Variants in PALLD observed in about 807,000 individuals in gnomAD.
PALLD encodes palladin, cytoskeletal associated protein.
In PALLD, 61 loss-of-function variants were observed where a neutral mutation model predicts 123.5. That is an observed-to-expected ratio of 0.49 (90% confidence interval 0.40 to 0.61). The LOEUF is 0.61. Ranked by LOEUF, PALLD falls within the 20% of genes least tolerant of loss-of-function variation. PALLD has a pLI of 0.00. For synonymous variants in PALLD, 465 were observed against 496.4 expected (o/e 0.94, Z 0.84); for missense variants, 1,273 against 1,377.0 (o/e 0.92, Z 1.20).
chr4:168,860,707 G>A (rs1560809663), intron 10 of PALLD, among the ~76,000 whole-genome samples: 2 of 152,090 alleles, frequency 1.3e-5, no homozygotes, highest in African/African-American at 2.4e-5. Flanking sequence ...CTGTAATCCC[G>A]GTTATTTGGG....
chr4:168,567,614 C>G (rs925314262), intron 2 of PALLD, among the ~76,000 whole-genome samples: 8 of 148,066 alleles, frequency 5.4e-5, no homozygotes, highest in African/African-American at 2.0e-4. Flanking sequence ...ATATAATATA[C>G]ACACATGTAC....
rs760636404 is a variant in PALLD at position 168,793,152 on chromosome 4, CAT to C, written c.1964+81237_1964+81238del. ...GCATATATATACATATATATGTGTG[CAT>C]ATATATACATATATATGTGTGCATA... On this transcript the variant is annotated intron_variant, in intron 10 of 21. Transcript: ENST00000505667. Among the ~76,000 whole-genome samples the C allele has an allele frequency of 5.6e-4, 68 of 122,146 alleles. 2 individuals are homozygous for C. In the South Asian group the frequency reaches 0.016, roughly 28 times the overall value. 80.1% of individuals were successfully genotyped at this position (122,146 alleles called of 152,430 possible). A position where few individuals can be genotyped will look rare whatever the true frequency, so the allele number is the denominator to read the frequency against.
rs1284424325 is a variant in PALLD at position 168,926,395 on chromosome 4, C to T, written c.*215C>T. On this transcript the variant is annotated 3_prime_UTR_variant, in exon 22 of 22. Transcript: ENST00000505667. The stretch of plus-strand genomic sequence containing the variant: ...AAGTGAGGACCTGTAATCCAGCATT[C>T]TTGTTAAAGCTGAAACACTGAAACA... 2 of 1,532,462 alleles carry T rather than the reference C, an allele frequency of 1.3e-6. No homozygotes were observed. Among genetic ancestry groups the T allele is most frequent in the Middle Eastern group, 1.7e-4 (1 of 6,002 alleles). 94.9% of individuals were successfully genotyped at this position (1,532,462 alleles called of 1,614,324 possible).
chr4:168,848,216 C>T (rs981577598), intron 10 of PALLD, among the ~76,000 whole-genome samples: 3 of 57,046 alleles, frequency 5.3e-5, no homozygotes, highest in Non-Finnish European at 3.1e-5. Context: ...AGAGGAACTC[C>T]TCCACTGTCC....
At position 168,511,550 on chromosome 4, in the gene PALLD, G is replaced by C; in HGVS notation, c.46G>C (p.Asp16His). The change falls in exon 2 of 22, where the codon GAC (aspartate) becomes CAC (histidine). Residue 16 changes from aspartate to histidine, a missense_variant. Around this residue, in one of 2 missense-constraint regions of PALLD, gnomAD observed 944 missense variants for 954.5 expected, o/e 0.99. Transcript: ENST00000505667. ...TGAGTCCTTCTATGACTCCCTCTCA[G>C]ACATGCAGGAAGAAAGCAAGAATAC... Reference protein sequence around the residue: ...SHESFYDSLSDMQEESKNTDF... With the variant: ...SHESFYDSLSHMQEESKNTDF... The C allele has an allele frequency of 1.2e-6, 2 of 1,614,090 alleles. No homozygotes were observed. Among genetic ancestry groups the C allele is most frequent in the Non-Finnish European group, 1.7e-6 (2 of 1,179,964 alleles).
At chr4:168,615,749 C>A (rs753646021) in intron 2 of PALLD, among the ~76,000 whole-genome samples, 33 of 152,168 alleles carry the variant, frequency 2.2e-4, no homozygotes, top group Non-Finnish European at 4.3e-4. Flanking sequence ...TGAGGTATCA[C>A]TCACCAAAGC....
intron 2 of PALLD, among the ~76,000 whole-genome samples, chr4:168,642,016 G>T (rs982091208): frequency 2.0e-5 from 3 of 152,206 alleles, no homozygotes; most frequent in African/African-American, 7.2e-5. Context: ...TCCATGAGTT[G>T]TGTCTTCGTC....
intron 2 of PALLD, among the ~76,000 whole-genome samples, chr4:168,569,489 G>C (rs913133447): frequency 5.9e-5 from 9 of 152,182 alleles, no homozygotes; most frequent in African/African-American, 2.2e-4. Flanking sequence ...ACTTAGGTAG[G>C]CACTTCAGTT....
chr4:168,516,549 T>C (rs1763005581), intron 2 of PALLD, among the ~76,000 whole-genome samples: 1 of 152,208 alleles, frequency 6.6e-6, no homozygotes, highest in South Asian at 2.1e-4. Context: ...TTTAAACCAT[T>C]TAAATGTAAG....
intron 10 of PALLD, among the ~76,000 whole-genome samples, chr4:168,736,316 G>A (rs1787755505): frequency 6.6e-6 from 1 of 152,094 alleles, no homozygotes; most frequent in Admixed American, 6.5e-5. Flanking sequence ...TGTATGTATT[G>A]GTAGCTTAGG....
At chr4:168,783,645 G>A (rs1736273830) in intron 10 of PALLD, among the ~76,000 whole-genome samples, 1 of 152,182 alleles carries the variant, frequency 6.6e-6, no homozygotes, top group Non-Finnish European at 1.5e-5. Context: ...TCCTCGTAGG[G>A]CTGTCATGAA....
rs569641553 is a variant in PALLD at position 168,720,156 on chromosome 4, C to A, written c.1964+8233C>A. 2.6e-5 allele frequency among the ~76,000 whole-genome samples: 4 copies of A among 152,316 alleles called. No homozygotes were observed. The South Asian group carries it at 8.3e-4, about 32-fold the overall frequency. On this transcript the variant is annotated intron_variant, in intron 10 of 21. Coordinates refer to ENST00000505667, the MANE Select transcript of PALLD (RefSeq NM_001166108.2). ...ATAATCTATAACCTGGTTATCTCTA[C>A]GATGATTTTGGCAAGAACGTGCAGA...
In PALLD at chr4:168,693,962, C is replaced by G. The variant is rs143305264; in HGVS notation, c.1501+2670C>G. 4.8e-3 allele frequency among the ~76,000 whole-genome samples: 734 copies of G among 152,302 alleles called. 4 individuals carry two copies. Among genetic ancestry groups the G allele is most frequent in the African/African-American group, 0.01 (431 of 41,570 alleles). On this transcript the variant is annotated intron_variant, in intron 8 of 21. Transcript: ENST00000505667. ...TTGTGAGTAAGAACTTCAGAACAAGCAAATGTTACAGTGTATTTGTGCTTA... is the reference window on the plus strand; with the variant it reads ...TTGTGAGTAAGAACTTCAGAACAAGGAAATGTTACAGTGTATTTGTGCTTA...
intron 2 of PALLD, among the ~76,000 whole-genome samples, chr4:168,641,207 CAAAA>C (rs567163235): frequency 8.7e-6 from 1 of 114,554 alleles, no homozygotes; most frequent in Non-Finnish European, 1.9e-5. Flanking sequence ...GACTCCATCT[CAAAA>C]AAAAAAAAAA....
chr4:168,867,494 TTA>T lies in PALLD; in HGVS notation c.1965-23424_1965-23423del, dbSNP rs1271596524. 3.3e-5 allele frequency among the ~76,000 whole-genome samples: 5 copies of T among 152,318 alleles called. No individual in the cohort carries two copies. The East Asian group carries it at 9.6e-4, about 29-fold the overall frequency. On this transcript the variant is annotated intron_variant, in intron 10 of 21. Transcript: ENST00000505667. Reference sequence around the variant, plus strand: ...AGAGTCTTTTTAACCACTATACTTTTTATATGCACATAGTTAAAAACAGTCAA... The same window carrying T: ...AGAGTCTTTTTAACCACTATACTTTTTATGCACATAGTTAAAAACAGTCAA...
intron 2 of PALLD, among the ~76,000 whole-genome samples, chr4:168,583,111 A>G (rs533461435): frequency 5.4e-4 from 82 of 152,314 alleles, no homozygotes; most frequent in African/African-American, 1.9e-3. Flanking sequence ...CTTATCATAT[A>G]GTCTTTAGGA....
chr4:168,547,687 T>C (rs1042744166), intron 2 of PALLD, among the ~76,000 whole-genome samples: 3 of 150,650 alleles, frequency 2.0e-5, no homozygotes, highest in South Asian at 2.1e-4. Flanking sequence ...CAGTGGCTCA[T>C]GCCTGCAATC....
At chr4:168,568,474 A>G (rs771179802) in intron 2 of PALLD, among the ~76,000 whole-genome samples, 4 of 152,144 alleles carry the variant, frequency 2.6e-5, no homozygotes, top group African/African-American at 4.8e-5. Flanking sequence ...TATGGTGAGT[A>G]TAAATTGAAA....
In PALLD at chr4:168,890,927, T is replaced by G; in HGVS notation, c.1970T>G (p.Phe657Cys). ...PPLLAKPKLG[F>C]PKKASRTARI... ...CTTGTGTTTTTATCCTGCAGAGGAT[T>G]TCCAAAGAAGGCCAGTAGAACTGCT... The change falls in exon 11 of 22, where the codon TTT becomes TGT. Residue 657 changes from phenylalanine to cysteine, a missense_variant. Phe to Cys is a radical substitution (Grantham distance 205). Coordinates refer to ENST00000505667, the MANE Select transcript of PALLD (RefSeq NM_001166108.2). The G allele has an allele frequency of 1.2e-6, 2 of 1,614,068 alleles. No homozygotes were observed. Among genetic ancestry groups the G allele is most frequent in the Non-Finnish European group, 1.7e-6 (2 of 1,179,954 alleles).
Sources: gnomAD v4.1 joint callset for allele counts (sites outside exome capture counted in the v4.1 genomes callset) on GRCh38, gnomAD v4.1.1 for gene constraint, gnomAD v4.1.1 regional missense constraint, MANE v1.5 for transcripts, NCBI Gene and HGNC (gene_info 2026-07-23, HGNC 2026-07-21) for gene names.